CD4: variants seen among roughly 807,000 people sequenced by gnomAD.
The protein encoded by CD4 is CD4 molecule, also known as T-cell surface glycoprotein CD4.
A neutral mutation model predicts 50.5 loss-of-function variants in CD4; 25 were observed. That is an observed-to-expected ratio of 0.49 (90% CI 0.36 to 0.69). CD4 has a LOEUF of 0.69. Among genes scored for constraint, CD4 ranks in the 30% least tolerant of loss-of-function variants. The pLI is 0.00. For synonymous variants in CD4, 207 were observed against 221.9 expected (o/e 0.93, Z 0.60); for missense variants, 456 against 548.5 (o/e 0.83, Z 1.68).
rs1376804040 is a variant in CD4 at position 6,792,983 on chromosome 12, G to T, written c.-68+3321G>T. 2.6e-5 allele frequency among the ~76,000 whole-genome samples: 4 copies of T among 152,104 alleles called. No homozygotes were observed. Among genetic ancestry groups the T allele is most frequent in the Non-Finnish European group, 5.9e-5 (4 of 68,018 alleles). ...AGGGAGAGAGAGAGACAGAAAGAGA[G>T]AGAGAGACGTGCCAGGGCTTGAGGG... On this transcript the variant is annotated intron_variant, in intron 1 of 9. Coordinates refer to ENST00000011653, the MANE Select transcript of CD4 (RefSeq NM_000616.5). This position sits in a 1 kb window ranked among gnomAD's most constrained non-coding sequence, Gnocchi z 4.1.
At chr12:6,808,128 G>A (rs1294372842) in intron 3 of CD4, among the ~76,000 whole-genome samples, 1 of 147,136 alleles carries the variant, frequency 6.8e-6, no homozygotes, top group African/African-American at 2.5e-5. Flanking sequence ...CCAGGAAAGC[G>A]TATAATTTTT....
rs893226381 is a variant in CD4, at chr12:6,800,319, C to G, written c.62C>G (p.Ala21Gly). ...CTTTTCCACTTAGCGCTCCTCCCAG[C>G]AGCCACTCAGGGAAAGAAAGTGGTG... is the stretch of plus-strand genomic sequence containing the variant. Reference protein sequence around the residue: ...LLVLQLALLPAATQGKKVVLG... With the variant: ...LLVLQLALLPGATQGKKVVLG... The change falls in exon 3 of 10, where the codon GCA becomes GGA. Residue 21 changes from alanine (A) to glycine (G), a missense_variant. By Grantham distance (60) the Ala-to-Gly change is moderately conservative (BLOSUM62 0). Coordinates refer to ENST00000011653, the MANE Select transcript of CD4 (RefSeq NM_000616.5). The G allele has an allele frequency of 4.3e-6, 7 of 1,613,918 alleles. No homozygotes were observed. The East Asian group carries it at 1.1e-4, about 26-fold the overall frequency.
intron 7 of CD4, 34 bp downstream of exon 7, chr12:6,817,364 G>A: frequency 6.5e-7 from 1 of 1,532,930 alleles, no homozygotes; most frequent in Non-Finnish European, 8.8e-7. Flanking sequence ...TCTGCCTCCT[G>A]GGCTGCGGGA....
chr12:6,814,136 TC>T lies in CD4; in HGVS notation c.215-3del. ...CAGTCCCCCCCCATATGTCTTCTGC[TC>T]CCAGGTCCATCCAAGCTGAATGATC... On this transcript the variant is annotated splice_polypyrimidine_tract_variant and splice_region_variant and intron_variant, in intron 3 of 9. Coordinates refer to ENST00000011653, the MANE Select transcript of CD4 (RefSeq NM_000616.5). 1 of 1,613,288 alleles carries T rather than the reference TC, an allele frequency of 6.2e-7. No individual in the cohort carries two copies. Among genetic ancestry groups the T allele is most frequent in the African/African-American group, 1.3e-5 (1 of 74,924 alleles).
In CD4 at chr12:6,807,936, T is replaced by C. The variant is rs183789115; in HGVS notation, c.215-6206T>C. Among the ~76,000 whole-genome samples, 41 of 151,708 alleles carry C rather than the reference T, an allele frequency of 2.7e-4. No individual in the cohort carries two copies. The East Asian group carries it at 7.8e-3, about 29-fold the overall frequency. On this transcript the variant is annotated intron_variant, in intron 3 of 9. Transcript: ENST00000011653. ...CTCTACTAAAAATACAAAAATTAGC[T>C]GGGCGTGGTGGCAAGTGCCTGTAGT...
At chr12:6,811,168 G>A (rs1257093967) in intron 3 of CD4, among the ~76,000 whole-genome samples, 2 of 152,140 alleles carry the variant, frequency 1.3e-5, no homozygotes, top group African/African-American at 4.8e-5. Context: ...CAGGGTGAGA[G>A]GCTTTAGTCT....
intron 1 of CD4, among the ~76,000 whole-genome samples, chr12:6,794,786 G>GTTTTTTTTTTTT (rs1220016459): frequency 2.8e-5 from 3 of 105,392 alleles, no homozygotes; most frequent in Non-Finnish European, 5.6e-5. Flanking sequence ...TTTTTTTTTT[G>GTTTTTTTTTTTT]TTTTTTTTTT....
intron 3 of CD4, among the ~76,000 whole-genome samples, chr12:6,806,675 T>A (rs1173004025): frequency 7.2e-5 from 11 of 152,140 alleles, no homozygotes; most frequent in African/African-American, 2.7e-4. Context: ...GAAAAGTTGT[T>A]CAACATCATT....
In CD4 at chr12:6,800,071, G is replaced by A; in HGVS notation, c.-67-1G>A. 1 of 1,396,294 alleles carries A rather than the reference G, an allele frequency of 7.2e-7. No individual in the cohort carries two copies. Among genetic ancestry groups the A allele is most frequent in the Non-Finnish European group, 1.0e-6 (1 of 982,534 alleles). The allele number at this position is 1,396,294 out of a possible 1,614,324, so 86.5% of individuals were successfully genotyped here. ...TGACTAATGATTGGCATTTCCCTCA[G>A]GCCCTGCCATTTCTGTGGGCTCAGG... On this transcript the variant is annotated splice_acceptor_variant, in intron 1 of 9. Transcript: ENST00000011653. LOFTEE classifies it low-confidence loss of function (5UTR_SPLICE).
Position 6,797,064 on chromosome 12 carries a change from T to C in CD4, c.-67-3008T>C, listed in dbSNP as rs918114131. 7.9e-5 allele frequency among the ~76,000 whole-genome samples: 12 copies of C among 152,280 alleles called. No individual in the cohort carries two copies. In the East Asian group the frequency reaches 2.3e-3, roughly 29 times the overall value. Reference sequence around the variant, plus strand: ...ACCTGGAGATTTGTGAAAACCCAGATGACTAGACCCACCCCCAGTTTCTGA... The same window carrying C: ...ACCTGGAGATTTGTGAAAACCCAGACGACTAGACCCACCCCCAGTTTCTGA... On this transcript the variant is annotated intron_variant, in intron 1 of 9. Coordinates refer to ENST00000011653, the MANE Select transcript of CD4 (RefSeq NM_000616.5).
At chr12:6,809,218 CATGATGT>C (rs1942859563) in intron 3 of CD4, among the ~76,000 whole-genome samples, 1 of 152,104 alleles carries the variant, frequency 6.6e-6, no homozygotes, top group Non-Finnish European at 1.5e-5. Flanking sequence ...TTGGGCCGGG[CATGATGT>C]CTGCCACCTA....
Position 6,814,828 on chromosome 12 carries a change from G to A in CD4, c.443G>A (p.Gly148Asp), listed in dbSNP as rs201323005. The change falls in exon 5 of 10, where the codon GGT becomes GAT. Residue 148 changes from glycine (G) to aspartate (D), a missense_variant. Transcript: ENST00000011653. Reference protein sequence around the residue: ...SLTLTLESPPGSSPSVQCRSP... With the variant: ...SLTLTLESPPDSSPSVQCRSP... ...ACCCTGACCTTGGAGAGCCCCCCTG[G>A]TAGTAGCCCCTCAGTGCAATGTAGG... 37 of 1,613,576 alleles carry A rather than the reference G, an allele frequency of 2.3e-5. No homozygotes were observed. The African/African-American group carries it at 4.9e-4, about 22-fold the overall frequency.
At chr12:6,803,394 C>A (rs557531834) in intron 3 of CD4, among the ~76,000 whole-genome samples, 15 of 151,952 alleles carry the variant, frequency 9.9e-5, no homozygotes, top group Non-Finnish European at 2.2e-4. Context: ...AGTGATCTAC[C>A]CACCTTGGCC....
At chr12:6,811,679 T>A (rs1253122730) in intron 3 of CD4, among the ~76,000 whole-genome samples, 1 of 151,070 alleles carries the variant, frequency 6.6e-6, no homozygotes, top group Admixed American at 6.6e-5. Flanking sequence ...TTCTTTTTTT[T>A]TTTGGTATTT....
At chr12:6,812,771 T>TTGTGTGTGTG (rs782347075) in intron 3 of CD4, among the ~76,000 whole-genome samples, 197 of 57,600 alleles carry the variant, frequency 3.4e-3, no homozygotes, top group Admixed American at 0.016. Flanking sequence ...AAGGTTATTT[T>TTGTGTGTGTG]TGTGTGTGTG....
intron 1 of CD4, among the ~76,000 whole-genome samples, chr12:6,798,632 T>C (rs1269967646): frequency 2.0e-5 from 3 of 152,216 alleles, no homozygotes; most frequent in South Asian, 4.1e-4. Context: ...TGTCTTCCTT[T>C]TTCTACATAG....
chr12:6,816,338 T>C lies in CD4; in HGVS notation c.890T>C (p.Leu297Pro). The change falls in exon 6 of 10, where the codon CTC becomes CCC. Residue 297 changes from leucine to proline, a missense_variant. Leu to Pro is a moderately conservative substitution (Grantham distance 98). Coordinates refer to ENST00000011653, the MANE Select transcript of CD4 (RefSeq NM_000616.5). This position sits in a 1 kb window ranked among gnomAD's most constrained non-coding sequence, Gnocchi z 4.9. ...CCTCAGTATGCTGGCTCTGGAAACC[T>C]CACCCTGGCCCTTGAAGCGAAAACA... ...ALPQYAGSGN[L>P]TLALEAKTGK... The C allele has an allele frequency of 6.2e-7, 1 of 1,614,152 alleles. No individual in the cohort carries two copies. The highest frequency in any genetic ancestry group is 8.5e-7 in the Non-Finnish European group (1 of 1,179,996).
intron 5 of CD4, 36 bp downstream of exon 5, chr12:6,815,028 GC>G: frequency 7.0e-7 from 1 of 1,430,758 alleles, no homozygotes; most frequent in Non-Finnish European, 9.7e-7. Context: ...TCTCCTCCCT[GC>G]CCCAGGGGCT....
chr12:6,800,857 A>G (rs1942522048), intron 3 of CD4, among the ~76,000 whole-genome samples: 1 of 152,032 alleles, frequency 6.6e-6, no homozygotes, highest in African/African-American at 2.4e-5. Context: ...CCAGGAGTTC[A>G]AGACCAGCCT....
Sources: gnomAD v4.1 joint callset for allele counts (sites outside exome capture counted in the v4.1 genomes callset) on GRCh38, gnomAD v4.1.1 for gene constraint, Gnocchi (gnomAD v3.1) non-coding constraint, MANE v1.5 for transcripts, NCBI Gene and HGNC (gene_info 2026-07-23, HGNC 2026-07-21) for gene names.